MPP2: variants seen among roughly 807,000 people sequenced by gnomAD.
MPP2 encodes MAGUK p55 subfamily member 2.
A neutral mutation model predicts 58.5 loss-of-function variants in MPP2; 42 were observed. The observed-to-expected ratio is 0.72, with a 90% CI of 0.56 to 0.93. The LOEUF (loss-of-function observed/expected upper bound fraction) is 0.93. Ranked by LOEUF, MPP2 falls within the 40% of genes least tolerant of loss-of-function variation. The probability of loss-of-function intolerance (pLI) is 0.00; values close to 1 mark genes in which losing one functional copy is unlikely to be tolerated. For synonymous variants in MPP2, 300 were observed against 307.8 expected (o/e 0.97, Z 0.26); for missense variants, 632 against 760.4 (o/e 0.83, Z 1.99).
intron 3 of MPP2, among the ~76,000 whole-genome samples, chr17:43,897,547 C>A (rs1173811834): frequency 6.6e-6 from 1 of 152,072 alleles, no homozygotes; most frequent in Non-Finnish European, 1.5e-5. Flanking sequence ...GCCCAAGCAC[C>A]CACATACAGC....
rs976276330 is a variant in MPP2, at chr17:43,881,269, C to G, written c.894G>C (p.Arg298Ser). 4 of 1,613,848 alleles carry G rather than the reference C, an allele frequency of 2.5e-6. No homozygotes were observed. Among genetic ancestry groups the G allele is most frequent in the East Asian group, 2.2e-5 (1 of 44,862 alleles). Residue 298 changes from arginine (R) to serine (S), a missense_variant, in exon 8 of 13, where the codon AGG becomes AGC. Arg to Ser is a moderately radical substitution (Grantham distance 110, BLOSUM62 -1). Coordinates refer to ENST00000269095, the MANE Select transcript of MPP2 (RefSeq NM_005374.5). ...LEEKRKAFVK[R>S]DLELTPNSGT... ...CTGAGTTTGGTGTCAGCTCCAGGTC[C>G]CTCTTGACAAATGCTTTCCGCTTCT...
chr17:43,882,320 G>A lies in MPP2; in HGVS notation c.645C>T (p.Ile215=). The stretch of plus-strand genomic sequence containing the variant: ...GATGGGGCTCCTGGTAGCTGGGCAG[G>A]ATCTTGAGGATGACACTGCCACTGG... The part of the protein sequence containing the change: ...RNASGSVILK[I]LPSYQEPHLP... The change falls in exon 6 of 13, where the codon ATC becomes ATT. Residue 215 remains isoleucine (I), a synonymous_variant. Transcript: ENST00000269095. 1 of 1,612,226 alleles carries A rather than the reference G, an allele frequency of 6.2e-7. No homozygotes were observed. The highest frequency in any genetic ancestry group is 8.5e-7 in the Non-Finnish European group (1 of 1,179,912).
chr17:43,907,154 C>T (rs2048324786), intron 1 of MPP2: 1 of 985,052 alleles, frequency 1.0e-6, no homozygotes, highest in Non-Finnish European at 1.2e-6. Context: ...TAAGTACCCC[C>T]AACCCGCACA....
chr17:43,909,510 T>C, upstream of MPP2: 1 of 1,281,612 alleles, frequency 7.8e-7, no homozygotes, highest in Non-Finnish European at 1.0e-6. Flanking sequence ...CTCTACAAGA[T>C]ATTAATTACT....
chr17:43,906,268 C>T (rs2048283611), intron 1 of MPP2: 1 of 383,120 alleles, frequency 2.6e-6, no homozygotes, highest in Non-Finnish European at 3.5e-6. Context: ...AGAGCATCGG[C>T]TGGCTTTGCT....
At chr17:43,906,116 C>G in intron 1 of MPP2, 1 of 985,110 alleles carries the variant, frequency 1.0e-6, no homozygotes, top group East Asian at 1.1e-4. Context: ...CTCTCCCTCA[C>G]AGGGTCAGAG....
intron 12 of MPP2, 127 bp from the exon 13 acceptor site, chr17:43,878,110 G>T: frequency 9.5e-7 from 1 of 1,052,684 alleles, no homozygotes; most frequent in East Asian, 2.6e-5. Context: ...CCCTGGCTAG[G>T]GAGGCAGGGG....
At chr17:43,907,268 A>T in intron 1 of MPP2, 1 of 985,010 alleles carries the variant, frequency 1.0e-6, no homozygotes, top group Non-Finnish European at 1.2e-6. Context: ...ACCAGTGTCA[A>T]TGGGCAGCGG....
At chr17:43,887,449 GTTTTTTGT>G (rs986268376) in intron 3 of MPP2, among the ~76,000 whole-genome samples, 2 of 151,776 alleles carry the variant, frequency 1.3e-5, no homozygotes, top group South Asian at 2.1e-4. Flanking sequence ...TTGAGGCATA[GTTTTTTGT>G]TTTTTTGTTT....
At chr17:43,885,427 A>G (rs547914351) in intron 3 of MPP2, among the ~76,000 whole-genome samples, 60 of 152,266 alleles carry the variant, frequency 3.9e-4, no homozygotes, top group African/African-American at 1.3e-3. Flanking sequence ...AGGAACCCTG[A>G]TTCCTTTTAG....
chr17:43,900,569 G>A (rs1386720598), intron 2 of MPP2: 1 of 1,535,464 alleles, frequency 6.5e-7, no homozygotes, highest in Non-Finnish European at 8.8e-7. Context: ...CCCCAGACCC[G>A]GGGACTCCCG....
chr17:43,894,446 C>CATATATATAT (rs1242231885), intron 3 of MPP2, among the ~76,000 whole-genome samples: 5 of 18,896 alleles, frequency 2.6e-4, no homozygotes, highest in Non-Finnish European at 3.9e-4. Flanking sequence ...TATATATATA[C>CATATATATAT]ACACACACAC....
chr17:43,889,385 CAG>C (rs2047504267), intron 3 of MPP2, among the ~76,000 whole-genome samples: 1 of 138,292 alleles, frequency 7.2e-6, no homozygotes, highest in South Asian at 2.3e-4. Context: ...TTTTTTGAGA[CAG>C]AGTCTCGCTC....
At chr17:43,908,274 G>A (rs1041640412), upstream of MPP2, among the ~76,000 whole-genome samples, 3 of 152,224 alleles carry the variant, frequency 2.0e-5, no homozygotes, top group Admixed American at 6.5e-5. Context: ...GCTAGTAAAA[G>A]ATGCTGGGCC....
chr17:43,906,051 C>G, intron 1 of MPP2: 133 of 943,066 alleles, frequency 1.4e-4, no homozygotes, highest in South Asian at 2.4e-4. Context: ...GGAGGGATCC[C>G]TTCCCTCCCC....
intron 2 of MPP2, chr17:43,900,526 G>C: frequency 3.9e-6 from 6 of 1,547,770 alleles, no homozygotes; most frequent in Non-Finnish European, 5.2e-6. Flanking sequence ...CCTCCAAGGA[G>C]ACCCCGCTGC....
rs2046794896 is a variant in MPP2 at position 43,875,727 on chromosome 17, G to C, written c.*2080C>G. The C allele has an allele frequency of 6.6e-6, 1 of 152,444 alleles. No homozygotes were observed. The highest frequency in any genetic ancestry group is 2.1e-4 in the South Asian group (1 of 4,828). 9.4% of individuals were successfully genotyped at this position (152,444 alleles called of 1,614,324 possible). ...AGGAAAGACCGAGAAGAGACAGGAG[G>C]GAAGGGCCCCAGGCCTGCCCCTTGA... is the stretch of plus-strand genomic sequence containing the variant. On this transcript the variant is annotated 3_prime_UTR_variant, in exon 13 of 13. Transcript: ENST00000269095.
Position 43,879,012 on chromosome 17 carries a change from AGT to A in MPP2, c.1482+261_1482+262del, listed in dbSNP as rs1415926692. 6.6e-6 allele frequency among the ~76,000 whole-genome samples: 1 copy of A among 152,154 alleles called. No homozygotes were observed. Among genetic ancestry groups the A allele is most frequent in the Non-Finnish European group, 1.5e-5 (1 of 68,026 alleles). The stretch of plus-strand genomic sequence containing the variant: ...TCTGGCCAGCACTCTGTCTCTGCAG[AGT>A]GGGCTGAGCCGGGGGCCTTGAGTCA... On this transcript the variant is annotated intron_variant, in intron 12 of 12. Transcript: ENST00000269095. This position sits in a 1 kb window ranked among gnomAD's most constrained non-coding sequence, Gnocchi z 4.1.
chr17:43,890,560 T>C (rs553793426), intron 3 of MPP2, among the ~76,000 whole-genome samples: 1 of 152,338 alleles, frequency 6.6e-6, no homozygotes, highest in Admixed American at 6.5e-5. Context: ...AGACAGGGAA[T>C]TCCTATTTGA....
Sources: allele counts gnomAD v4.1 joint callset (sites outside exome capture counted in the v4.1 genomes callset), GRCh38; gene constraint gnomAD v4.1.1; non-coding constraint Gnocchi (gnomAD v3.1); transcripts MANE v1.5; gene names NCBI Gene and HGNC (gene_info 2026-07-23, HGNC 2026-07-21).